Variants in GTPBP6 observed in about 807,000 individuals in gnomAD.
The protein encoded by GTPBP6 is GTP binding protein 6.
In GTPBP6, 33 loss-of-function variants were observed where a neutral mutation model predicts 28.9. That is an observed-to-expected ratio of 1.14 (90% confidence interval 0.87 to 1.53). The LOEUF (loss-of-function observed/expected upper bound fraction) is 1.53. Ranked by LOEUF, GTPBP6 falls within the 40% of genes most tolerant of loss-of-function variation. GTPBP6 has a pLI of 0.00. For synonymous variants in GTPBP6, 231 were observed against 192.7 expected, an observed-to-expected ratio of 1.20 and a Z score of -1.65; for missense variants, 507 against 408.3, an observed-to-expected ratio of 1.24 and a Z score of -2.08.
chrX:307,748 C>A, exon 8 of GTPBP6: 1 of 1,502,276 alleles, frequency 6.7e-7, no homozygotes. Context: ...ACGAGGTCCA[C>A]CTTGTTGTGA....
rs757381821 is a variant in GTPBP6 at position 307,473 on chromosome X, G to A, written c.1314C>T (p.Ala438=). Residue 438 remains alanine (A), a synonymous_variant, in exon 9 of 10, where the codon GCC becomes GCT. Coordinates refer to ENST00000326153, the Ensembl canonical transcript of GTPBP6. ...GCTCCTGGAGCCCGTGGCCCCGCAGGGCAGACACGGGCACGACGTTCGGTT... is the reference window on the plus strand; with the variant it reads ...GCTCCTGGAGCCCGTGGCCCCGCAGAGCAGACACGGGCACGACGTTCGGTT... The A allele has an allele frequency of 5.0e-6, 8 of 1,611,294 alleles. 1 individual carries two copies. In the Admixed American group the frequency reaches 8.3e-5, roughly 17 times the overall value.
chrX:307,147 C>G (rs192285988), intron 9 of GTPBP6, among the ~76,000 whole-genome samples: 5 of 124,884 alleles, frequency 4.0e-5, no homozygotes, highest in Non-Finnish European at 1.5e-5. Flanking sequence ...TGCACAGTCA[C>G]AAATGTAGAT....
chrX:307,900 G>T lies in GTPBP6; in HGVS notation c.1126-20C>A, dbSNP rs771253955. On this transcript the variant is annotated intron_variant, in intron 7 of 9. Transcript: ENST00000326153. ...GAGATCCTGTGGGCCGGGCCGTGGG[G>T]TCAGAGCTGCGGAGCCTCTGGTCCC... The T allele has an allele frequency of 1.3e-6, 2 of 1,496,092 alleles. No individual in the cohort carries two copies. Among genetic ancestry groups the T allele is most frequent in the African/African-American group, 1.4e-5 (1 of 70,968 alleles). 92.7% of individuals were successfully genotyped at this position (1,496,092 alleles called of 1,614,324 possible).
intron 2 of GTPBP6, 147 bp from the exon 3 acceptor site, chrX:315,446 G>A (rs1385335399): frequency 2.5e-6 from 1 of 397,964 alleles, no homozygotes; most frequent in Non-Finnish European, 4.4e-6. Flanking sequence ...CCGGGATCCA[G>A]GAAGTCAGCG....
At position 312,847 on chromosome X, in the gene GTPBP6, G is replaced by A. The variant is rs759439115; in HGVS notation, c.835C>T (p.Arg279Cys). 32 of 1,612,800 alleles carry A rather than the reference G, an allele frequency of 2.0e-5. 1 individual carries two copies. The highest frequency in any genetic ancestry group is 6.6e-5 in the South Asian group (6 of 91,028). ...CGGCGGAGCAGGTGCCTCTTCTTGC[G>A]AAGCCTGTCCAAGGCCTTCCTGATC... is the stretch of plus-strand genomic sequence containing the variant. Residue 279 changes from arginine (R) to cysteine (C), a missense_variant, in exon 6 of 10, where the codon CGC (arginine) becomes TGC (cysteine). By Grantham distance (180) the Arg-to-Cys change is radical. Transcript: ENST00000326153.
chrX:306,181 C>T lies in GTPBP6; in HGVS notation c.1428-984G>A, dbSNP rs138719885. Among the ~76,000 whole-genome samples, 100 of 152,202 alleles carry T rather than the reference C, an allele frequency of 6.6e-4. 1 individual carries two copies. In the East Asian group the frequency reaches 0.017, roughly 26 times the overall value. Reference sequence around the variant, plus strand: ...TGACTGTCAAGTGCAGATTAGGCACCTGTTGTATGCAGTCAGAAATGTACA... The same window carrying T: ...TGACTGTCAAGTGCAGATTAGGCACTTGTTGTATGCAGTCAGAAATGTACA... On this transcript the variant is annotated intron_variant, in intron 9 of 9. Transcript: ENST00000326153.
At chrX:314,015 C>T (rs1450513801) in intron 5 of GTPBP6, 135 bp downstream of exon 5, 1 of 769,006 alleles carries the variant, frequency 1.3e-6, no homozygotes, top group Non-Finnish European at 2.3e-6. Flanking sequence ...TCTCCTATGT[C>T]CTCAAATGCT....
intron 5 of GTPBP6, among the ~76,000 whole-genome samples, chrX:313,688 C>CAGAGG (rs1403713392): frequency 2.0e-5 from 3 of 151,526 alleles, no homozygotes; most frequent in African/African-American, 7.3e-5. Context: ...GACACAGACA[C>CAGAGG]AGAGGAGGAG....
exon 4 of GTPBP6, chrX:314,999 C>T (rs2070403048): frequency 5.0e-6 from 2 of 398,672 alleles, no homozygotes; most frequent in Admixed American, 4.4e-5. Context: ...ACCTCCACGC[C>T]CCAGGCGGCT....
chrX:307,620 T>C (rs2070199585), intron 8 of GTPBP6, 108 bp from the exon 9 acceptor site: 3 of 1,439,836 alleles, frequency 2.1e-6, no homozygotes, highest in African/African-American at 1.4e-5. Context: ...GGCCACTCCC[T>C]GTGTCCTGAC....
exon 10 of GTPBP6, chrX:304,809 G>A (rs1486071017): frequency 7.3e-7 from 1 of 1,376,934 alleles, no homozygotes; most frequent in Non-Finnish European, 9.4e-7. Flanking sequence ...AGGGAAAGCA[G>A]TTCACAGCAG....
intron 1 of GTPBP6, among the ~76,000 whole-genome samples, chrX:317,633 T>G (rs1161614904): frequency 2.0e-5 from 3 of 151,280 alleles, no homozygotes; most frequent in South Asian, 2.1e-4. Flanking sequence ...ACACCGTGCC[T>G]ACCTCTAACC....
chrX:312,463 AGG>A, intron 6 of GTPBP6: 1 of 521,224 alleles, frequency 1.9e-6, no homozygotes, highest in Non-Finnish European at 3.6e-6. Flanking sequence ...GTGTAGATGG[AGG>A]GGAGATTGTG....
intron 6 of GTPBP6, chrX:311,879 G>T (rs192473625): frequency 1.1e-4 from 67 of 604,764 alleles, no homozygotes; most frequent in Non-Finnish European, 1.9e-4. Context: ...ACGGGTGTGC[G>T]TGTGAAGGCG....
At chrX:314,573 C>G (rs893647208) in intron 4 of GTPBP6, among the ~76,000 whole-genome samples, 1 of 151,912 alleles carries the variant, frequency 6.6e-6, no homozygotes, top group Non-Finnish European at 1.5e-5. Context: ...CTGGGGTTCA[C>G]GCCATTCTCC....
exon 4 of GTPBP6, chrX:314,938 G>A (rs1169337617): frequency 6.0e-5 from 24 of 398,730 alleles, no homozygotes; most frequent in African/African-American, 2.1e-4. Context: ...GGCCTCCTTC[G>A]TGCGGGCGTT....
At chrX:311,497 G>A in exon 7 of GTPBP6, 1 of 1,611,956 alleles carries the variant, frequency 6.2e-7, no homozygotes, top group Non-Finnish European at 8.5e-7. Context: ...AGCCGATGGT[G>A]TCCACGTACA....
exon 1 of GTPBP6, chrX:318,629 T>C (rs1195772427): frequency 2.5e-6 from 1 of 397,428 alleles, no homozygotes; most frequent in African/African-American, 2.1e-5. Context: ...GGCCCCGCCC[T>C]CCGCCCCACG....
intron 7 of GTPBP6, among the ~76,000 whole-genome samples, chrX:310,695 G>A (rs868636010): frequency 8.6e-5 from 13 of 151,784 alleles, no homozygotes; most frequent in African/African-American, 2.4e-4. Flanking sequence ...GCCCAGGGAC[G>A]CCTGGAGCCC....
Sources: allele counts gnomAD v4.1 joint callset (sites outside exome capture counted in the v4.1 genomes callset), GRCh38; gene constraint gnomAD v4.1.1; transcripts MANE v1.5; gene names NCBI Gene and HGNC (gene_info 2026-07-23, HGNC 2026-07-21).